C4orf36: variants seen among roughly 807,000 people sequenced by gnomAD.
C4orf36 encodes chromosome 4 open reading frame 36, also known as uncharacterized protein C4orf36.
A neutral mutation model predicts 12.2 loss-of-function variants in C4orf36; 11 were observed. The ratio of observed to expected loss-of-function variants is 0.90; its 90% CI spans 0.57 to 1.49. The LOEUF is 1.49. C4orf36 is among the 40% of genes most tolerant of loss of function. The pLI, the probability that C4orf36 is intolerant of heterozygous loss-of-function variation, is 0.00. For missense variants in C4orf36, 137 were observed against 133.9 expected, an observed-to-expected ratio of 1.02 and a Z score of -0.11; for synonymous variants, 54 against 51.3, an observed-to-expected ratio of 1.05 and a Z score of -0.22.
At chr4:86,914,293 T>A in the C4orf36 span, 195 of 1,601,930 alleles carry the variant, frequency 1.2e-4, no homozygotes, top group Non-Finnish European at 1.6e-4. Flanking sequence ...CAAGTGACGA[T>A]GCGGTCGCTC....
chr4:86,878,349 A>G (rs1448084838), intron 4 of C4orf36, among the ~76,000 whole-genome samples: 2 of 152,192 alleles, frequency 1.3e-5, no homozygotes, highest in Non-Finnish European at 2.9e-5. Context: ...CCTCAAAGTT[A>G]TCCATAACCC....
chr4:86,876,624 C>A, intron 4 of C4orf36, 181 bp from the exon 5 acceptor site: 1 of 1,613,734 alleles, frequency 6.2e-7, no homozygotes, highest in African/African-American at 1.3e-5. Context: ...TTCAATGAAC[C>A]AGAAGAAAAT....
intron 4 of C4orf36, among the ~76,000 whole-genome samples, chr4:86,886,132 T>G (rs1747172605): frequency 6.6e-6 from 1 of 152,290 alleles, no homozygotes; most frequent in South Asian, 2.1e-4. Flanking sequence ...TGCATCGATG[T>G]TCATCAGGGA....
the C4orf36 span, chr4:86,933,197 A>C: frequency 6.6e-6 from 1 of 152,164 alleles, no homozygotes; most frequent in African/African-American, 2.4e-5. Flanking sequence ...TCAGAAAATT[A>C]ATTTGATTTA....
the C4orf36 span, chr4:86,913,956 C>T: frequency 6.6e-7 from 1 of 1,516,370 alleles, no homozygotes; most frequent in Non-Finnish European, 9.1e-7. Context: ...TCCCGAGTAG[C>T]TGTCATCCAC....
chr4:86,887,705 C>A, intron 4 of C4orf36, 53 bp downstream of exon 4: 1 of 1,608,568 alleles, frequency 6.2e-7, no homozygotes, highest in Non-Finnish European at 8.5e-7. Context: ...GTCCAGAGAC[C>A]TTCATGCCCT....
chr4:86,898,909 G>C, the C4orf36 span, among the ~76,000 whole-genome samples: 1 of 152,086 alleles, frequency 6.6e-6, no homozygotes, highest in African/African-American at 2.4e-5. Context: ...TGCTCTGATA[G>C]AAAGTCTAAT....
the C4orf36 span, among the ~76,000 whole-genome samples, chr4:86,907,085 C>T: frequency 6.6e-6 from 1 of 151,994 alleles, no homozygotes; most frequent in Non-Finnish European, 1.5e-5. Context: ...AAAAAAGAAT[C>T]AGCTTTTTAC....
At chr4:86,931,252 C>CT in the C4orf36 span, among the ~76,000 whole-genome samples, 4 of 152,096 alleles carry the variant, frequency 2.6e-5, no homozygotes, top group Non-Finnish European at 5.9e-5. Flanking sequence ...GATTTCTGTT[C>CT]TTTTTTGGGA....
At chr4:86,904,315 G>A in the C4orf36 span, among the ~76,000 whole-genome samples, 10 of 152,354 alleles carry the variant, frequency 6.6e-5, no homozygotes, top group South Asian at 4.1e-4. Flanking sequence ...GCGAGCACAG[G>A]GAGCCGGCTC....
intron 4 of C4orf36, among the ~76,000 whole-genome samples, chr4:86,876,903 T>C (rs1746941196): frequency 6.6e-6 from 1 of 152,254 alleles, no homozygotes; most frequent in Non-Finnish European, 1.5e-5. Context: ...TAAATCTGAT[T>C]TTTAAGAAAT....
the C4orf36 span, chr4:86,914,375 C>G: frequency 9.3e-7 from 1 of 1,077,704 alleles, no homozygotes; most frequent in Non-Finnish European, 1.4e-6. Context: ...CCCCCCGGCT[C>G]CCGTTCTTCT....
chr4:86,913,769 C>T, the C4orf36 span: 1 of 1,414,790 alleles, frequency 7.1e-7, no homozygotes, highest in Non-Finnish European at 1.0e-6. Flanking sequence ...ACTCTGACAT[C>T]AGCTGCCCAA....
the C4orf36 span, chr4:86,934,782 G>C: frequency 6.6e-6 from 1 of 152,252 alleles, no homozygotes; most frequent in Non-Finnish European, 1.5e-5. Flanking sequence ...TCACCCTCGC[G>C]ACCGGGGCGG....
the C4orf36 span, chr4:86,913,533 C>T: frequency 5.5e-5 from 50 of 904,274 alleles, no homozygotes; most frequent in African/African-American, 5.4e-4. Context: ...CAGGCAGCCT[C>T]GGTCATCGAA....
chr4:86,885,467 A>G (rs537888215), intron 4 of C4orf36, among the ~76,000 whole-genome samples: 1 of 152,288 alleles, frequency 6.6e-6, no homozygotes, highest in African/African-American at 2.4e-5. Context: ...GCAATTGCGA[A>G]TGGGAGTTCA....
chr4:86,902,191 C>T, the C4orf36 span, among the ~76,000 whole-genome samples: 8 of 151,914 alleles, frequency 5.3e-5, no homozygotes, highest in African/African-American at 1.5e-4. Flanking sequence ...GAGGCCAAAG[C>T]GAAAGGATTG....
At chr4:86,910,207 C>T in the C4orf36 span, among the ~76,000 whole-genome samples, 1 of 151,992 alleles carries the variant, frequency 6.6e-6, no homozygotes, top group Non-Finnish European at 1.5e-5. Flanking sequence ...TTTCGGAGGC[C>T]AAGGCGGGCA....
At chr4:86,891,384 T>G (rs1368801272) in intron 2 of C4orf36, 72 bp downstream of exon 2, 2 of 1,437,850 alleles carry the variant, frequency 1.4e-6, no homozygotes, top group Admixed American at 1.7e-5. Context: ...TGTCCAGTCC[T>G]TTTATTTAAC....
Sources: gnomAD v4.1 joint callset for allele counts (sites outside exome capture counted in the v4.1 genomes callset) on GRCh38, gnomAD v4.1.1 for gene constraint, MANE v1.5 for transcripts, NCBI Gene and HGNC (gene_info 2026-07-23, HGNC 2026-07-21) for gene names.